Variants in SEMA3E observed in about 807,000 individuals in gnomAD.
The protein encoded by SEMA3E is semaphorin 3E, also known as semaphorin-3E.
A neutral mutation model predicts 93.6 loss-of-function variants in SEMA3E; 49 were observed. The observed-to-expected ratio is 0.52, with a 90% CI of 0.42 to 0.66. The LOEUF (loss-of-function observed/expected upper bound fraction) is 0.66. Ranked by LOEUF, SEMA3E falls within the 30% of genes least tolerant of loss-of-function variation. The pLI is 0.00. For synonymous variants in SEMA3E, 363 were observed against 330.7 expected, an observed-to-expected ratio of 1.10 and a Z score of -1.06; for missense variants, 906 against 964.8, an observed-to-expected ratio of 0.94 and a Z score of 0.81.
At chr7:83,375,048 T>C (rs189652363) in intron 16 of SEMA3E, among the ~76,000 whole-genome samples, 19 of 152,048 alleles carry the variant, frequency 1.2e-4, no homozygotes, top group Admixed American at 3.9e-4. Flanking sequence ...TAAAGAGAGG[T>C]TTGTGATTAA....
At chr7:83,471,290 A>G (rs1270541950) in intron 2 of SEMA3E, among the ~76,000 whole-genome samples, 1 of 146,364 alleles carries the variant, frequency 6.8e-6, no homozygotes, top group Admixed American at 7.1e-5. Flanking sequence ...GCTCAATCAA[A>G]TCTCTACATA....
At chr7:83,399,720 T>A (rs186078281) in intron 11 of SEMA3E, among the ~76,000 whole-genome samples, 1 of 152,306 alleles carries the variant, frequency 6.6e-6, no homozygotes, top group African/African-American at 2.4e-5. Flanking sequence ...TTTTGTGCTA[T>A]GCAAGCCCCA....
intron 16 of SEMA3E, among the ~76,000 whole-genome samples, chr7:83,379,022 TAAAGAAAACGTGGCATATATGTGCTATGG>T (rs1247068777): frequency 2.6e-5 from 4 of 151,858 alleles, no homozygotes; most frequent in African/African-American, 9.6e-5. Context: ...GATGATTGGA[TAAAGAAAACGTGGCATATATGTGCTATGG>T]AATACTACTC....
chr7:83,596,132 A>T (rs922711180), intron 1 of SEMA3E, among the ~76,000 whole-genome samples: 5 of 151,932 alleles, frequency 3.3e-5, no homozygotes, highest in African/African-American at 1.2e-4. Context: ...TCAGATATTT[A>T]TATTATTATT....
chr7:83,624,905 G>A (rs1793639294), intron 1 of SEMA3E, among the ~76,000 whole-genome samples: 1 of 152,050 alleles, frequency 6.6e-6, no homozygotes, highest in African/African-American at 2.4e-5. Flanking sequence ...TTTTGTATAA[G>A]GTAAAAGGAA....
At chr7:83,595,646 C>T (rs1792856456) in intron 1 of SEMA3E, among the ~76,000 whole-genome samples, 1 of 151,890 alleles carries the variant, frequency 6.6e-6, no homozygotes, top group East Asian at 1.9e-4. Context: ...GATCTTGATA[C>T]TTATAAAGTA....
intron 16 of SEMA3E, chr7:83,372,634 G>A (rs1474094187): frequency 5.6e-6 from 1 of 178,224 alleles, no homozygotes; most frequent in African/African-American, 2.3e-5. Flanking sequence ...ACAAGATACG[G>A]AATCATGACA....
chr7:83,520,390 A>C (rs1246481912), intron 1 of SEMA3E, among the ~76,000 whole-genome samples: 1 of 152,056 alleles, frequency 6.6e-6, no homozygotes, highest in Admixed American at 6.6e-5. Context: ...ATCAACATTC[A>C]TTTTCTCCCT....
rs1044082671 is a variant in SEMA3E, at chr7:83,368,122, A to AT, written c.1876-85dup. ...TCACCCTTTCCACTACCTATCTTGAATTTTTTCATTTTCACTGTCACATAA... is the reference window on the plus strand; with the variant it reads ...TCACCCTTTCCACTACCTATCTTGAATTTTTTTCATTTTCACTGTCACATAA... On this transcript the variant is annotated intron_variant, in intron 16 of 16. Transcript: ENST00000643230. 9.6e-6 allele frequency: 12 copies of AT among 1,247,680 alleles called. No homozygotes were observed. In the African/African-American group the frequency reaches 1.8e-4, roughly 19 times the overall value. The allele number at this position is 1,247,680 out of a possible 1,614,324, so 77.3% of individuals were successfully genotyped here. A position where few individuals can be genotyped will look rare whatever the true frequency, so the allele number is the denominator to read the frequency against.
At chr7:83,406,972 AT>A (rs1788341570) in intron 7 of SEMA3E, 124 bp downstream of exon 7, 2 of 1,115,576 alleles carry the variant, frequency 1.8e-6, no homozygotes, top group Admixed American at 3.7e-5. Flanking sequence ...GGTATAGTAA[AT>A]ATCAATTGTA....
intron 14 of SEMA3E, 48 bp downstream of exon 14, chr7:83,392,507 A>G: frequency 2.7e-6 from 4 of 1,489,074 alleles, no homozygotes; most frequent in East Asian, 2.3e-5. Context: ...AAAAAGCATT[A>G]GGGTTTTCCT....
At chr7:83,564,003 A>T (rs897436882) in intron 1 of SEMA3E, among the ~76,000 whole-genome samples, 16 of 152,192 alleles carry the variant, frequency 1.1e-4, no homozygotes, top group Non-Finnish European at 1.8e-4. Context: ...CTGATTGTGC[A>T]TGCAGATAGT....
intron 1 of SEMA3E, among the ~76,000 whole-genome samples, chr7:83,615,814 A>G (rs1184324942): frequency 6.6e-6 from 1 of 152,086 alleles, no homozygotes; most frequent in Non-Finnish European, 1.5e-5. Context: ...AGATATCCTG[A>G]AGAAATGTTT....
chr7:83,581,620 A>C (rs374758093), intron 1 of SEMA3E, among the ~76,000 whole-genome samples: 141 of 152,152 alleles, frequency 9.3e-4, no homozygotes, highest in African/African-American at 3.2e-3. Context: ...TTTTGCAAAC[A>C]TCAGTAGCTT....
chr7:83,628,415 T>C (rs951801614), intron 1 of SEMA3E, among the ~76,000 whole-genome samples: 11 of 152,146 alleles, frequency 7.2e-5, no homozygotes, highest in African/African-American at 2.7e-4. Context: ...CCCATCACTT[T>C]CAGGTACACC....
At chr7:83,509,746 T>A (rs1031882674) in intron 1 of SEMA3E, among the ~76,000 whole-genome samples, 1 of 152,310 alleles carries the variant, frequency 6.6e-6, no homozygotes, top group South Asian at 2.1e-4. Flanking sequence ...CTATTTGATC[T>A]GTCACTGGAA....
At chr7:83,403,917 T>C (rs1788278556) in intron 9 of SEMA3E, among the ~76,000 whole-genome samples, 1 of 152,060 alleles carries the variant, frequency 6.6e-6, no homozygotes, top group East Asian at 1.9e-4. Context: ...TTTATATAAA[T>C]TGAACAGTCA....
chr7:83,416,636 G>A (rs1224428362), intron 5 of SEMA3E, among the ~76,000 whole-genome samples: 4 of 151,604 alleles, frequency 2.6e-5, no homozygotes, highest in African/African-American at 9.7e-5. Context: ...AATTAATTTT[G>A]CATTTGTTTA....
At chr7:83,423,804 C>A (rs972087265) in intron 4 of SEMA3E, among the ~76,000 whole-genome samples, 2 of 152,066 alleles carry the variant, frequency 1.3e-5, no homozygotes, top group African/African-American at 4.8e-5. Context: ...AGCCACTGCA[C>A]CCAGCCTCGA....
Sources: allele counts gnomAD v4.1 joint callset (sites outside exome capture counted in the v4.1 genomes callset), GRCh38; gene constraint gnomAD v4.1.1; transcripts MANE v1.5; gene names NCBI Gene and HGNC (gene_info 2026-07-23, HGNC 2026-07-21).